The following NPY5R variants were observed in gnomAD, a reference collection of about 807,000 sequenced individuals.
NPY5R encodes neuropeptide Y receptor type 5.
NPY5R carries 21 observed loss-of-function variants against 24.8 expected under a neutral mutation model. The observed-to-expected ratio is 0.85, with a 90% confidence interval of 0.60 to 1.22. The LOEUF is 1.22. Among genes scored for constraint, NPY5R ranks in the 50% most tolerant of loss-of-function variants. The probability of loss-of-function intolerance (pLI) is 0.00; values close to 1 mark genes in which losing one functional copy is unlikely to be tolerated. For synonymous variants in NPY5R, 175 were observed against 183.0 expected (o/e 0.96, Z 0.35); for missense variants, 481 against 521.3 (o/e 0.92, Z 0.75).
At chr4:163,345,452 A>G (rs1735191844) in intron 1 of NPY5R, 1 of 152,180 alleles carries the variant, frequency 6.6e-6, no homozygotes. Context: ...GGAAATTCTG[A>G]TGGTGGGAGA....
chr4:163,351,585 T>C lies in NPY5R; in HGVS notation c.1312T>C (p.Ser438Pro), dbSNP rs762882119. ...LNNGIKADLV[S>P]LIHCLHM ...TAATGGGATTAAAGCTGATTTAGTG[T>C]CCCTTATACACTGTCTTCATATGTA... The change falls in exon 4 of 4, where the codon TCC becomes CCC. Residue 438 changes from serine to proline, a missense_variant. Coordinates refer to ENST00000338566, the MANE Select transcript of NPY5R (RefSeq NM_006174.4). The C allele has an allele frequency of 1.9e-6, 3 of 1,608,070 alleles. No homozygotes were observed. The highest frequency in any genetic ancestry group is 2.6e-6 in the Non-Finnish European group (3 of 1,174,758).
At position 163,351,126 on chromosome 4, in the gene NPY5R, C is replaced by T; in HGVS notation, c.853C>T (p.His285Tyr). The T allele has an allele frequency of 1.2e-6, 2 of 1,614,106 alleles. No individual in the cohort carries two copies. Among genetic ancestry groups the T allele is most frequent in the Non-Finnish European group, 1.7e-6 (2 of 1,179,998 alleles). Residue 285 changes from histidine to tyrosine, a missense_variant, in exon 4 of 4, where the codon CAC (histidine) becomes TAC (tyrosine). His to Tyr is a moderately conservative substitution (Grantham distance 83, BLOSUM62 2). Transcript: ENST00000338566. ...HKWSYSFIKK[H>Y]RRRYSKKTAC... is the part of the protein sequence containing the mutation. Reference sequence around the variant, plus strand: ...ATGGAGTTATTCATTCATCAAAAAACACAGAAGAAGATATAGCAAGAAGAC... The same window carrying T: ...ATGGAGTTATTCATTCATCAAAAAATACAGAAGAAGATATAGCAAGAAGAC...
chr4:163,348,457 C>T (rs190512597), intron 3 of NPY5R, among the ~76,000 whole-genome samples: 2 of 151,792 alleles, frequency 1.3e-5, no homozygotes, highest in South Asian at 2.1e-4. Flanking sequence ...AGCCAGGCCC[C>T]ATCTCCACAA....
downstream of NPY5R, among the ~76,000 whole-genome samples, chr4:163,352,401 A>G (rs1490250544): frequency 6.6e-6 from 1 of 152,116 alleles, no homozygotes; most frequent in African/African-American, 2.4e-5. Flanking sequence ...ATTTTAAAGA[A>G]TATTTTAAAT....
intron 3 of NPY5R, among the ~76,000 whole-genome samples, chr4:163,349,966 C>G (rs1051682157): frequency 6.6e-6 from 1 of 151,786 alleles, no homozygotes; most frequent in African/African-American, 2.4e-5. Flanking sequence ...TAGCTGGGCG[C>G]AGTGGCGGGC....
rs1388795364 is a variant in NPY5R, at chr4:163,351,068, T to A, written c.795T>A (p.Ser265Arg). The change falls in exon 4 of 4, where the codon AGT (serine) becomes AGA (arginine). Residue 265 changes from serine (S) to arginine (R), a missense_variant. Transcript: ENST00000338566. ...INLTLHPSKK[S>R]GPQVKLSGSH... is the part of the protein sequence containing the mutation. ...TAACTCTTCATCCATCCAAAAAGAG[T>A]GGGCCTCAGGTGAAACTCTCTGGCA... 3.7e-6 allele frequency: 6 copies of A among 1,613,828 alleles called. No homozygotes were observed. Among genetic ancestry groups the A allele is most frequent in the African/African-American group, 2.7e-5 (2 of 74,844 alleles).
rs10599966 is a variant in NPY5R, at chr4:163,350,103, C to CA, written c.-9-140dup. On this transcript the variant is annotated intron_variant, in intron 3 of 3. Transcript: ENST00000338566. The stretch of plus-strand genomic sequence containing the variant: ...TGGGCGACAGAGCGAGACTCCGTCT[C>CA]AAAAAAAAAAAAAAAAAAAAAAGAT... 1,265 of 174,102 alleles carry CA rather than the reference C, an allele frequency of 7.3e-3. 6 individuals are homozygous for CA. The highest frequency in any genetic ancestry group is 0.021 in the East Asian group (184 of 8,896). 10.8% of individuals were successfully genotyped at this position (174,102 alleles called of 1,614,324 possible). A position where few individuals can be genotyped will look rare whatever the true frequency, so the allele number is the denominator to read the frequency against.
At chr4:163,345,637 A>G (rs971146520) in intron 1 of NPY5R, 77 bp from the exon 2 acceptor site, 60 of 152,324 alleles carry the variant, frequency 3.9e-4, no homozygotes, top group African/African-American at 1.4e-3. Flanking sequence ...CATTACTTTT[A>G]TAATAGATAA....
At chr4:163,347,827 G>A (rs140009781) in intron 3 of NPY5R, among the ~76,000 whole-genome samples, 1 of 152,148 alleles carries the variant, frequency 6.6e-6, no homozygotes, top group Non-Finnish European at 1.5e-5. Flanking sequence ...GTTGGCTAGG[G>A]TCTAAGAATG....
Position 163,350,778 on chromosome 4 carries a change from G to A in NPY5R, c.505G>A (p.Ala169Thr). Reference protein sequence around the residue: ...LIATVWTLGFAICSPLPVFHS... With the variant: ...LIATVWTLGFTICSPLPVFHS... Reference sequence around the variant, plus strand: ...AGCTACTGTCTGGACACTAGGTTTTGCCATCTGTTCTCCCCTTCCAGTGTT... The same window carrying A: ...AGCTACTGTCTGGACACTAGGTTTTACCATCTGTTCTCCCCTTCCAGTGTT... Residue 169 changes from alanine to threonine, a missense_variant, in exon 4 of 4, where the codon GCC becomes ACC. By Grantham distance (58) the Ala-to-Thr change is moderately conservative. Coordinates refer to ENST00000338566, the MANE Select transcript of NPY5R (RefSeq NM_006174.4). The A allele has an allele frequency of 1.2e-6, 2 of 1,614,160 alleles. No homozygotes were observed. The highest frequency in any genetic ancestry group is 8.5e-7 in the Non-Finnish European group (1 of 1,180,016).
intron 2 of NPY5R, among the ~76,000 whole-genome samples, chr4:163,346,539 G>A (rs981367348): frequency 2.0e-5 from 3 of 152,150 alleles, no homozygotes; most frequent in African/African-American, 7.2e-5. Flanking sequence ...TTCATTAATA[G>A]AAGGAGCCTA....
intron 1 of NPY5R, chr4:163,344,575 G>A (rs1490874551): frequency 6.6e-6 from 1 of 152,278 alleles, no homozygotes; most frequent in Non-Finnish European, 1.5e-5. Context: ...GCGCTGACCC[G>A]AGCCCGGGAG....
intron 1 of NPY5R, chr4:163,345,019 T>G (rs1280283423): frequency 6.6e-6 from 1 of 152,196 alleles, no homozygotes; most frequent in East Asian, 1.9e-4. Context: ...CATGCTGCTG[T>G]TCCACGATCA....
In NPY5R at chr4:163,350,573, G is replaced by A. The variant is rs1578959327; in HGVS notation, c.300G>A (p.Thr100=). The part of the protein sequence containing the change: ...VVLFCSPFTL[T]SVLLDQWMFG... ...TGTTTTGCTCACCTTTCACACTGAC[G>A]TCTGTCTTGCTGGATCAGTGGATGT... The change falls in exon 4 of 4, where the codon ACG becomes ACA. Residue 100 remains threonine (T), a synonymous_variant. Coordinates refer to ENST00000338566, the MANE Select transcript of NPY5R (RefSeq NM_006174.4). 1.9e-6 allele frequency: 3 copies of A among 1,614,064 alleles called. No individual in the cohort carries two copies. Among genetic ancestry groups the A allele is most frequent in the East Asian group, 2.2e-5 (1 of 44,882 alleles).
rs772273448 is a variant in NPY5R, at chr4:163,350,603, C to G, written c.330C>G (p.Gly110=). ...TCTTGCTGGATCAGTGGATGTTTGGCAAAGTCATGTGCCATATTATGCCTT... is the reference window on the plus strand; with the variant it reads ...TCTTGCTGGATCAGTGGATGTTTGGGAAAGTCATGTGCCATATTATGCCTT... The part of the protein sequence containing the change: ...TSVLLDQWMF[G]KVMCHIMPFL... The change falls in exon 4 of 4, where the codon GGC becomes GGG. Residue 110 remains glycine (G), a synonymous_variant. Transcript: ENST00000338566. 3.7e-6 allele frequency: 6 copies of G among 1,614,138 alleles called. No individual in the cohort carries two copies. The highest frequency in any genetic ancestry group is 5.1e-6 in the Non-Finnish European group (6 of 1,180,018).
At chr4:163,349,494 G>A (rs1735390094) in intron 3 of NPY5R, among the ~76,000 whole-genome samples, 3 of 152,192 alleles carry the variant, frequency 2.0e-5, no homozygotes, top group Non-Finnish European at 1.5e-5. Context: ...ATGTCCAGCC[G>A]AGTTGACCAG....
rs750614429 is a variant in NPY5R, at chr4:163,351,644, T to C, written c.*33T>C. On this transcript the variant is annotated 3_prime_UTR_variant, in exon 4 of 4. Coordinates refer to ENST00000338566, the MANE Select transcript of NPY5R (RefSeq NM_006174.4). ...CACTGTTTACCAAGGAAAGAACAAA[T>C]GCTGGGGTCATATAAAATATATTTA... 2.8e-6 allele frequency: 4 copies of C among 1,448,514 alleles called. No homozygotes were observed. Among genetic ancestry groups the C allele is most frequent in the East Asian group, 4.6e-5 (2 of 43,622 alleles). The allele number at this position is 1,448,514 out of a possible 1,614,324, so 89.7% of individuals were successfully genotyped here.
At position 163,351,536 on chromosome 4, in the gene NPY5R, T is replaced by C; in HGVS notation, c.1263T>C (p.Asn421=). 1 of 1,611,696 alleles carries C rather than the reference T, an allele frequency of 6.2e-7. No homozygotes were observed. Among genetic ancestry groups the C allele is most frequent in the Non-Finnish European group, 8.5e-7 (1 of 1,177,790 alleles). The change falls in exon 4 of 4, where the codon AAT becomes AAC. Residue 421 remains asparagine, a synonymous_variant. Coordinates refer to ENST00000338566, the MANE Select transcript of NPY5R (RefSeq NM_006174.4). ...HLLGMMSCCL[N]PILYGFLNNG... ...TGGGCATGATGTCCTGTTGTCTTAA[T>C]CCAATTCTATATGGGTTTCTTAATA...
chr4:163,350,873 G>C lies in NPY5R; in HGVS notation c.600G>C (p.Glu200Asp). ...ALLSSRYLCV[E>D]SWPSDSYRIA... The stretch of plus-strand genomic sequence containing the variant: ...TGAGCAGCAGGTATTTATGTGTTGA[G>C]TCATGGCCATCTGATTCATACAGAA... Residue 200 changes from glutamate to aspartate, a missense_variant, in exon 4 of 4, where the codon GAG becomes GAC. Coordinates refer to ENST00000338566, the MANE Select transcript of NPY5R (RefSeq NM_006174.4). The C allele has an allele frequency of 6.2e-7, 1 of 1,614,156 alleles. No individual in the cohort carries two copies. The highest frequency in any genetic ancestry group is 8.5e-7 in the Non-Finnish European group (1 of 1,180,030).
Sources: gnomAD v4.1 joint callset for allele counts (sites outside exome capture counted in the v4.1 genomes callset) on GRCh38, gnomAD v4.1.1 for gene constraint, MANE v1.5 for transcripts, NCBI Gene and HGNC (gene_info 2026-07-23, HGNC 2026-07-21) for gene names.